The following PLXNA4 variants were observed in gnomAD, a reference collection of about 807,000 sequenced individuals.
PLXNA4 encodes plexin A4, also known as plexin-A4.
PLXNA4 carries 44 observed loss-of-function variants against 191.8 expected under a neutral mutation model. The ratio of observed to expected loss-of-function variants is 0.23; its 90% CI spans 0.18 to 0.29. The LOEUF (loss-of-function observed/expected upper bound fraction) is 0.29. PLXNA4 is among the 10% of genes least tolerant of loss of function. PLXNA4 has a pLI of 1.00. For synonymous variants in PLXNA4, 1,082 were observed against 1,009.5 expected (o/e 1.07, Z -1.36); for missense variants, 1,800 against 2,488.8 (o/e 0.72, Z 5.89).
At chr7:132,350,488 A>G (rs1349404058) in intron 3 of PLXNA4, among the ~76,000 whole-genome samples, 1 of 152,220 alleles carries the variant, frequency 6.6e-6, no homozygotes, top group Non-Finnish European at 1.5e-5. Flanking sequence ...TGGGCAACAG[A>G]CTGGGAGTCT....
At chr7:132,281,452 T>C (rs1800475881) in intron 4 of PLXNA4, among the ~76,000 whole-genome samples, 1 of 152,210 alleles carries the variant, frequency 6.6e-6, no homozygotes, top group Admixed American at 6.5e-5. Flanking sequence ...CAAAATTCTC[T>C]GAAACTCTTC....
At chr7:132,327,173 A>AAAAAAAAG (rs373719875) in intron 3 of PLXNA4, among the ~76,000 whole-genome samples, 4 of 133,858 alleles carry the variant, frequency 3.0e-5, no homozygotes, top group Non-Finnish European at 6.7e-5. Flanking sequence ...GGAAGGCAAA[A>AAAAAAAAG]AAAAAAGAAA....
chr7:132,403,409 G>C (rs1303422317), intron 3 of PLXNA4, among the ~76,000 whole-genome samples: 1 of 152,216 alleles, frequency 6.6e-6, no homozygotes, highest in Non-Finnish European at 1.5e-5. Flanking sequence ...AGCTGGCAGC[G>C]TGAGCCTAAA....
chr7:132,600,432 C>T (rs527347124), intron 2 of PLXNA4, among the ~76,000 whole-genome samples: 11 of 152,332 alleles, frequency 7.2e-5, no homozygotes, highest in African/African-American at 2.4e-4. Flanking sequence ...GGTGTGAGCA[C>T]GGCTCACTGC....
chr7:132,271,576 C>T (rs1800074275), intron 4 of PLXNA4, among the ~76,000 whole-genome samples: 1 of 152,150 alleles, frequency 6.6e-6, no homozygotes, highest in African/African-American at 2.4e-5. Context: ...TCCATTTCTG[C>T]ACTGCCTTTT....
rs751764141 is a variant in PLXNA4 at position 132,179,642 on chromosome 7, A to G, written c.3874+45T>C. 6.9e-6 allele frequency: 11 copies of G among 1,594,308 alleles called. No individual in the cohort carries two copies. In the African/African-American group the frequency reaches 1.5e-4, roughly 21 times the overall value. ...CAGATGTGCATGCACACACATATGC[A>G]CACACGCACACACACATGGCCTCCA... is the stretch of plus-strand genomic sequence containing the variant. On this transcript the variant is annotated intron_variant, in intron 20 of 31. Coordinates refer to ENST00000321063, the MANE Select transcript of PLXNA4 (RefSeq NM_020911.2).
intron 3 of PLXNA4, among the ~76,000 whole-genome samples, chr7:132,487,800 C>T (rs1401334526): frequency 6.6e-6 from 1 of 152,160 alleles, no homozygotes; most frequent in Non-Finnish European, 1.5e-5. Context: ...ACAGCGTCTT[C>T]CCTGGGCATC....
At chr7:132,491,796 C>T (rs1340664534) in intron 2 of PLXNA4, among the ~76,000 whole-genome samples, 2 of 152,072 alleles carry the variant, frequency 1.3e-5, no homozygotes, top group Admixed American at 1.3e-4. Context: ...AGGGAGTGTT[C>T]AAGATTTAGT....
rs568920282 is a variant in PLXNA4, at chr7:132,325,449, G to A, written c.1372-27227C>T. 5.3e-5 allele frequency among the ~76,000 whole-genome samples: 8 copies of A among 152,322 alleles called. No individual in the cohort carries two copies. In the South Asian group the frequency reaches 1.7e-3, roughly 32 times the overall value. On this transcript the variant is annotated intron_variant, in intron 3 of 31. Coordinates refer to ENST00000321063, the MANE Select transcript of PLXNA4 (RefSeq NM_020911.2). ...AGATATGCTGAGATCCTAAGCCCCAGTACCTGTGAATGTGACTTTACTTGG... is the reference window on the plus strand; with the variant it reads ...AGATATGCTGAGATCCTAAGCCCCAATACCTGTGAATGTGACTTTACTTGG...
intron 9 of PLXNA4, among the ~76,000 whole-genome samples, chr7:132,223,206 T>A (rs555357658): frequency 9.8e-5 from 15 of 152,294 alleles, no homozygotes; most frequent in African/African-American, 3.6e-4. Context: ...GTACTTACAA[T>A]TATTTCTAGG....
At chr7:132,631,796 T>G (rs999749846) in intron 2 of PLXNA4, among the ~76,000 whole-genome samples, 1 of 152,228 alleles carries the variant, frequency 6.6e-6, no homozygotes, top group Non-Finnish European at 1.5e-5. Flanking sequence ...AGAAGCTACA[T>G]GCTTGGAAGT....
At chr7:132,473,019 A>G (rs1439176715) in intron 3 of PLXNA4, among the ~76,000 whole-genome samples, 2 of 152,228 alleles carry the variant, frequency 1.3e-5, no homozygotes, top group African/African-American at 2.4e-5. Context: ...GGCCCACATC[A>G]GGATGTTACG....
chr7:132,646,436 T>A (rs1174959965), intron 1 of PLXNA4, among the ~76,000 whole-genome samples: 1 of 152,156 alleles, frequency 6.6e-6, no homozygotes, highest in Non-Finnish European at 1.5e-5. Flanking sequence ...TGTGGTGGTA[T>A]TTGGAGATGG....
At chr7:132,173,638 G>C (rs1365227462) in intron 21 of PLXNA4, among the ~76,000 whole-genome samples, 1 of 152,200 alleles carries the variant, frequency 6.6e-6, no homozygotes, top group African/African-American at 2.4e-5. Flanking sequence ...GTTTGCTACA[G>C]AGGTGCACAG....
Position 132,168,565 on chromosome 7 carries a change from C to T in PLXNA4, c.4025G>A (p.Gly1342Asp). The change falls in exon 22 of 32, where the codon GGC becomes GAC. Residue 1342 changes from glycine (G) to aspartate (D), a missense_variant. Gly to Asp is a moderately conservative substitution (Grantham distance 94, BLOSUM62 -1). Transcript: ENST00000321063. Reference sequence around the variant, plus strand: ...TTTCTCCACACGCTCCTGCCGGTAGCCCGGGACCTGCAGAGAGACCTAGGA... The same window carrying T: ...TTTCTCCACACGCTCCTGCCGGTAGTCCGGGACCTGCAGAGAGACCTAGGA... ...HPVLRDLEVP[G>D]YRQERVEKGL... 1.9e-6 allele frequency: 3 copies of T among 1,580,806 alleles called. No homozygotes were observed. Among genetic ancestry groups the T allele is most frequent in the Non-Finnish European group, 2.6e-6 (3 of 1,161,832 alleles).
At chr7:132,593,505 G>A (rs1802643455) in intron 2 of PLXNA4, among the ~76,000 whole-genome samples, 1 of 152,186 alleles carries the variant, frequency 6.6e-6, no homozygotes, top group African/African-American at 2.4e-5. Flanking sequence ...GGACATCAGG[G>A]ACTCGCAAAA....
chr7:132,439,974 A>G (rs1284372539), intron 3 of PLXNA4, among the ~76,000 whole-genome samples: 1 of 126,840 alleles, frequency 7.9e-6, no homozygotes, highest in Non-Finnish European at 1.6e-5. Context: ...ATGTGCACAC[A>G]TGTGTGCATG....
At chr7:132,237,088 G>T (rs975522393) in intron 5 of PLXNA4, among the ~76,000 whole-genome samples, 1 of 152,218 alleles carries the variant, frequency 6.6e-6, no homozygotes, top group Non-Finnish European at 1.5e-5. Flanking sequence ...GATTACAAGC[G>T]TGTTTGTCTT....
At chr7:132,514,303 G>C (rs185594283) in intron 1 of PLXNA4, among the ~76,000 whole-genome samples, 2 of 149,326 alleles carry the variant, frequency 1.3e-5, no homozygotes, top group Admixed American at 6.6e-5. Context: ...CGCCCGCCTC[G>C]GCCTCCCAAA....
Sources: allele counts gnomAD v4.1 joint callset (sites outside exome capture counted in the v4.1 genomes callset), GRCh38; gene constraint gnomAD v4.1.1; transcripts MANE v1.5; gene names NCBI Gene and HGNC (gene_info 2026-07-23, HGNC 2026-07-21).